The following NOS3 variants were observed in gnomAD, a reference collection of about 807,000 sequenced individuals.
NOS3 encodes the protein nitric oxide synthase 3, also known as NOS type III.
Under a neutral mutation model 144.9 loss-of-function variants are expected in NOS3, and 98 were observed. The observed-to-expected ratio is 0.68, with a 90% CI of 0.57 to 0.80. NOS3 has a LOEUF of 0.80. NOS3 is among the 30% of genes least tolerant of loss of function. The probability of loss-of-function intolerance (pLI) is 0.00; values close to 1 mark genes in which losing one functional copy is unlikely to be tolerated. For missense variants in NOS3, 1,465 were observed against 1,656.4 expected, an observed-to-expected ratio of 0.88 and a Z score of 2.01; for synonymous variants, 714 against 702.4, an observed-to-expected ratio of 1.02 and a Z score of -0.26.
Position 151,010,078 on chromosome 7 carries a change from G to A in NOS3, c.2513-37G>A, listed in dbSNP as rs372104569. 3.6e-6 allele frequency: 5 copies of A among 1,406,252 alleles called. No individual in the cohort carries two copies. In the African/African-American group the frequency reaches 5.7e-5, roughly 16 times the overall value. 87.1% of individuals were successfully genotyped at this position (1,406,252 alleles called of 1,614,324 possible). On this transcript the variant is annotated intron_variant, in intron 20 of 26. Coordinates refer to ENST00000297494, the MANE Select transcript of NOS3 (RefSeq NM_000603.5). ...CAGCCCAGGTACTGCAGTCCTGCTG[G>A]GCCCTGTCCTCAGAGCTCCCTGTGC...
rs1795122275 is a variant in NOS3, at chr7:151,002,250, G to T, written c.1698G>T (p.Leu566=). ...YDVVSLEHET[L]VLVVTSTFGN... ...TGGTGTCCCTCGAACACGAGACGCT[G>T]GTGCTGGTGGTAACCAGCACATTTG... The change falls in exon 14 of 27, where the codon CTG becomes CTT. Residue 566 remains leucine, a synonymous_variant. Transcript: ENST00000297494. The surrounding 1 kb of genome is among the most constrained non-coding windows in gnomAD (Gnocchi z 4.1). The T allele has an allele frequency of 6.2e-7, 1 of 1,601,378 alleles. No individual in the cohort carries two copies.
Position 151,013,843 on chromosome 7 carries a change from G to T in NOS3, c.3375G>T (p.Gln1125His). The change falls in exon 26 of 27, where the codon CAG (glutamine) becomes CAT (histidine). Residue 1125 changes from glutamine (Q) to histidine (H), a missense_variant. Gln to His is a conservative substitution (Grantham distance 24, BLOSUM62 0). Transcript: ENST00000297494. ...TTACCATGGCAACCAACGTCCTGCAGACCGTGCAGCGCATCCTGGCGACGG... is the reference window on the plus strand; with the variant it reads ...TTACCATGGCAACCAACGTCCTGCATACCGTGCAGCGCATCCTGGCGACGG... ...GDVTMATNVL[Q>H]TVQRILATEG... 1.9e-6 allele frequency: 3 copies of T among 1,606,256 alleles called. No homozygotes were observed. The highest frequency in any genetic ancestry group is 2.5e-6 in the Non-Finnish European group (3 of 1,177,018).
At chr7:151,011,591 G>A (rs1472253224) in intron 23 of NOS3, among the ~76,000 whole-genome samples, 6 of 133,868 alleles carry the variant, frequency 4.5e-5, no homozygotes, top group East Asian at 2.5e-4. Context: ...CAGCCTGGGC[G>A]ACAGAGCCAG....
rs1795114840 is a variant in NOS3 at position 151,001,956 on chromosome 7, T to C, written c.1638T>C (p.Phe546=). ...TGGGGAGACTCTTCCGGAAGGCTTT[T>C]GATCCCCGGGTAGGGCTGAGCCCAG... ...QQLGRLFRKA[F]DPRVLCMDEY... is the part of the protein sequence containing the mutation. Residue 546 remains phenylalanine (F), a synonymous_variant, in exon 13 of 27, where the codon TTT becomes TTC. Transcript: ENST00000297494. 2 of 1,613,456 alleles carry C rather than the reference T, an allele frequency of 1.2e-6. No homozygotes were observed. Among genetic ancestry groups the C allele is most frequent in the Non-Finnish European group, 8.5e-7 (1 of 1,180,006 alleles).
At chr7:151,011,086 G>T in intron 23 of NOS3, 100 bp downstream of exon 23, 1 of 790,612 alleles carries the variant, frequency 1.3e-6, no homozygotes, top group South Asian at 1.6e-5. Flanking sequence ...AAACAGGAAG[G>T]AGCTCTGTAA....
At position 151,001,580 on chromosome 7, in the gene NOS3, G is replaced by A. The variant is rs200536042; in HGVS notation, c.1465G>A (p.Gly489Ser). 78 of 1,613,944 alleles carry A rather than the reference G, an allele frequency of 4.8e-5. 2 individuals are homozygous for A. The East Asian group carries it at 9.4e-4, about 19-fold the overall frequency. ...PWKGSAAKGT[G>S]ITRKKTFKEV... ...GAAGGGGAGTGCCGCCAAGGGCACC[G>A]GCATCACCAGGAAGAAGACCTTTAA... Residue 489 changes from glycine to serine, a missense_variant, in exon 12 of 27, where the codon GGC (glycine) becomes AGC (serine). By Grantham distance (56) the Gly-to-Ser change is moderately conservative. Transcript: ENST00000297494.
rs1355687928 is a variant in NOS3 at position 151,010,994 on chromosome 7, A to T, written c.2984+8A>T. ...GCCCTGCTTCATCCGGGGGTAAGTG[A>T]GATGGAAGACTTGGTGGGGAGCTGC... On this transcript the variant is annotated splice_region_variant and intron_variant, in intron 23 of 26. Transcript: ENST00000297494. 6.2e-7 allele frequency: 1 copy of T among 1,608,538 alleles called. No individual in the cohort carries two copies.
At position 151,009,269 on chromosome 7, in the gene NOS3, T is replaced by G. The variant is rs759909395; in HGVS notation, c.2324+2T>G. 2 of 1,611,684 alleles carry G rather than the reference T, an allele frequency of 1.2e-6. No individual in the cohort carries two copies. The highest frequency in any genetic ancestry group is 2.2e-5 in the South Asian group (2 of 90,930). ...AAACCTGCAAAGCAGCAAGTCCACG[T>G]GAGGACGACGGCTTTACCGCCCCCC... On this transcript the variant is annotated splice_donor_variant, in intron 19 of 26. Transcript: ENST00000297494. LOFTEE classifies it high-confidence loss of function.
In NOS3 at chr7:151,009,508, C is replaced by A. The variant is rs769910730; in HGVS notation, c.2435C>A (p.Ala812Glu). 9.7e-6 allele frequency: 15 copies of A among 1,547,046 alleles called. No homozygotes were observed. In the East Asian group the frequency reaches 3.7e-4, roughly 38 times the overall value. Reference sequence around the variant, plus strand: ...CCCAACCGGCCCGGCCTTGTGGAGGCGCTGCTGAGCCGCGTGGAGGACCCG... The same window carrying A: ...CCCAACCGGCCCGGCCTTGTGGAGGAGCTGCTGAGCCGCGTGGAGGACCCG... ...CPPNRPGLVE[A>E]LLSRVEDPPA... is the part of the protein sequence containing the mutation. Residue 812 changes from alanine (A) to glutamate (E), a missense_variant, in exon 20 of 27, where the codon GCG becomes GAG. Physicochemically the swap from Ala to Glu is moderately radical, Grantham distance 107. Transcript: ENST00000297494.
At chr7:151,001,670 T>TC in intron 12 of NOS3, 53 bp downstream of exon 12, 2 of 1,579,278 alleles carry the variant, frequency 1.3e-6, no homozygotes, top group South Asian at 2.2e-5. Flanking sequence ...GGCCCCACTC[T>TC]CCCCCACACA....
In NOS3 at chr7:151,002,109, C is replaced by T. The variant is rs1584905559; in HGVS notation, c.1648-91C>T. ...CAGGTGTTCAGAGATCAAGTTGGGG[C>T]CTGAATCTTGCACTGCCAGGGAGGC... On this transcript the variant is annotated intron_variant, in intron 13 of 26. Transcript: ENST00000297494. This position sits in a 1 kb window ranked among gnomAD's most constrained non-coding sequence, Gnocchi z 4.1. 3.6e-6 allele frequency: 5 copies of T among 1,408,236 alleles called. No homozygotes were observed. The highest frequency in any genetic ancestry group is 4.9e-6 in the Non-Finnish European group (5 of 1,017,314). The allele number at this position is 1,408,236 out of a possible 1,614,324, so 87.2% of individuals were successfully genotyped here.
At position 151,003,005 on chromosome 7, in the gene NOS3, C is replaced by T. The variant is rs1377498327; in HGVS notation, c.1752+701C>T. The T allele has an allele frequency of 3.6e-6, 1 of 279,898 alleles. No individual in the cohort carries two copies. Among genetic ancestry groups the T allele is most frequent in the Non-Finnish European group, 7.1e-6 (1 of 141,256 alleles). The allele number at this position is 279,898 out of a possible 1,614,324, so 17.3% of individuals were successfully genotyped here. A position where few individuals can be genotyped will look rare whatever the true frequency, so the allele number is the denominator to read the frequency against. On this transcript the variant is annotated intron_variant, in intron 14 of 26. Transcript: ENST00000297494. This position sits in a 1 kb window ranked among gnomAD's most constrained non-coding sequence, Gnocchi z 4.1. ...AAAGCTAGAGTACCATCATTGAATT[C>T]CTTCTCTTGCAAGCTTAGGTATCTC...
intron 1 of NOS3, among the ~76,000 whole-genome samples, chr7:150,992,694 TTGTC>T (rs1398022195): frequency 2.0e-5 from 3 of 152,006 alleles, no homozygotes; most frequent in Non-Finnish European, 4.4e-5. Flanking sequence ...TCTTGTTTGT[TTGTC>T]TGTCTGTCTG....
Position 150,998,852 on chromosome 7 carries a change from C to T in NOS3, c.817-94C>T. The T allele has an allele frequency of 2.0e-6, 3 of 1,514,794 alleles. No homozygotes were observed. Among genetic ancestry groups the T allele is most frequent in the South Asian group, 2.5e-5 (2 of 79,898 alleles). The allele number at this position is 1,514,794 out of a possible 1,614,324, so 93.8% of individuals were successfully genotyped here. On this transcript the variant is annotated intron_variant, in intron 7 of 26. Coordinates refer to ENST00000297494, the MANE Select transcript of NOS3 (RefSeq NM_000603.5). This position sits in a 1 kb window ranked among gnomAD's most constrained non-coding sequence, Gnocchi z 5.0. ...TCACGGAGACCCAGCCAATGAGGGA[C>T]CCTGGAGATGAAGGCAGGAGACAGT...
At chr7:150,999,388 G>T in intron 9 of NOS3, 24 bp downstream of exon 9, 1 of 1,535,722 alleles carries the variant, frequency 6.5e-7, no homozygotes, top group Non-Finnish European at 8.8e-7. Flanking sequence ...TGGGGCTCGG[G>T]CACCGAATGC....
At chr7:150,996,622 C>T in intron 4 of NOS3, 70 bp downstream of exon 4, 5 of 1,519,892 alleles carry the variant, frequency 3.3e-6, no homozygotes, top group Non-Finnish European at 4.5e-6. Flanking sequence ...GACGACCTTC[C>T]CATGACCCCC....
At position 151,002,210 on chromosome 7, in the gene NOS3, T is replaced by C; in HGVS notation, c.1658T>C (p.Met553Thr). ...TCTTCCCACCCACAGGTCCTGTGTA[T>C]GGATGAGTATGACGTGGTGTCCCTC... ...RKAFDPRVLC[M>T]DEYDVVSLEH... The change falls in exon 14 of 27, where the codon ATG becomes ACG. Residue 553 changes from methionine (M) to threonine (T), a missense_variant. This residue lies in a region of NOS3 where 745 missense variants were observed against 853.9 expected (regional missense o/e 0.87). Transcript: ENST00000297494. The surrounding 1 kb of genome is among the most constrained non-coding windows in gnomAD (Gnocchi z 4.1). 1.9e-6 allele frequency: 3 copies of C among 1,594,094 alleles called. No individual in the cohort carries two copies. Among genetic ancestry groups the C allele is most frequent in the Non-Finnish European group, 1.7e-6 (2 of 1,169,366 alleles).
At chr7:150,992,078 G>A (rs975165021) in intron 1 of NOS3, among the ~76,000 whole-genome samples, 17 of 151,882 alleles carry the variant, frequency 1.1e-4, no homozygotes, top group South Asian at 4.2e-4. Context: ...CACTCCGGGA[G>A]GCAGAGGTTG....
Position 151,010,770 on chromosome 7 carries a change from C to T in NOS3, c.2859C>T (p.Ile953=). 6.2e-7 allele frequency: 1 copy of T among 1,613,380 alleles called. No homozygotes were observed. The highest frequency in any genetic ancestry group is 8.5e-7 in the Non-Finnish European group (1 of 1,179,746). Residue 953 remains isoleucine (I), a synonymous_variant, in exon 22 of 27, where the codon ATC becomes ATT. Coordinates refer to ENST00000297494, the MANE Select transcript of NOS3 (RefSeq NM_000603.5). Reference sequence around the variant, plus strand: ...CACCCAGCACCCACCCAGGAGAGATCCACCTCACTGTAGCTGTGCTGGCAT... The same window carrying T: ...CACCCAGCACCCACCCAGGAGAGATTCACCTCACTGTAGCTGTGCTGGCAT... ...SSAPSTHPGE[I]HLTVAVLAYR... is the part of the protein sequence containing the mutation.
Sources: allele counts gnomAD v4.1 joint callset (sites outside exome capture counted in the v4.1 genomes callset), GRCh38; gene constraint gnomAD v4.1.1; regional missense constraint gnomAD v4.1.1; non-coding constraint Gnocchi (gnomAD v3.1); transcripts MANE v1.5; gene names NCBI Gene and HGNC (gene_info 2026-07-23, HGNC 2026-07-21).